TMEM229B: variants seen among roughly 807,000 people sequenced by gnomAD.
The protein encoded by TMEM229B is chromosome 14 open reading frame 83.
A neutral mutation model predicts 13.7 loss-of-function variants in TMEM229B; 6 were observed. The ratio of observed to expected loss-of-function variants is 0.44; its 90% CI spans 0.24 to 0.86. TMEM229B has a LOEUF of 0.86. TMEM229B is among the 40% of genes least tolerant of loss of function. The pLI, the probability that TMEM229B is intolerant of heterozygous loss-of-function variation, is 0.23. For synonymous variants in TMEM229B, 107 were observed against 102.1 expected (o/e 1.05, Z -0.29); for missense variants, 170 against 236.0 (o/e 0.72, Z 1.83).
At chr14:67,484,463 T>C (rs1369742903) in intron 2 of TMEM229B, among the ~76,000 whole-genome samples, 8 of 152,218 alleles carry the variant, frequency 5.3e-5, no homozygotes, top group African/African-American at 1.9e-4. Flanking sequence ...TTTCTAATTA[T>C]AAAAGCAACA....
exon 1 of TMEM229B, chr14:67,533,643 T>G: frequency 6.6e-6 from 1 of 151,994 alleles, no homozygotes; most frequent in East Asian, 1.9e-4. Context: ...TACCTGGACT[T>G]GGGGATCGGT....
At chr14:67,516,841 G>A (rs184591699), upstream of TMEM229B, among the ~76,000 whole-genome samples, 1 of 152,310 alleles carries the variant, frequency 6.6e-6, no homozygotes, top group East Asian at 1.9e-4. Context: ...AGGGAGTCAT[G>A]TTGGGTTCCT....
chr14:67,476,949 A>C (rs1340483799), intron 2 of TMEM229B, among the ~76,000 whole-genome samples: 1 of 152,120 alleles, frequency 6.6e-6, no homozygotes, highest in Non-Finnish European at 1.5e-5. Context: ...AAAATGATGA[A>C]ACCCTGTCTC....
intron 2 of TMEM229B, among the ~76,000 whole-genome samples, chr14:67,486,297 A>G (rs112311752): frequency 0.018 from 2,799 of 152,214 alleles, 96 homozygotes; most frequent in African/African-American, 0.064. Flanking sequence ...TTGTTTTGAG[A>G]CAGAGTCTTG....
At chr14:67,517,263 C>T (rs566536106), upstream of TMEM229B, among the ~76,000 whole-genome samples, 6 of 152,294 alleles carry the variant, frequency 3.9e-5, no homozygotes, top group South Asian at 4.2e-4. Flanking sequence ...TAGCTGTGGC[C>T]GGCGGCTGGC....
intron 1 of TMEM229B, among the ~76,000 whole-genome samples, chr14:67,530,899 G>A (rs144669512): frequency 3.3e-5 from 5 of 152,146 alleles, no homozygotes; most frequent in Non-Finnish European, 5.9e-5. Context: ...AAAAGAAGAC[G>A]AATGGCCTCC....
At chr14:67,526,269 C>G (rs886980641) in intron 1 of TMEM229B, among the ~76,000 whole-genome samples, 4 of 152,240 alleles carry the variant, frequency 2.6e-5, no homozygotes, top group African/African-American at 9.6e-5. Context: ...TATCCCATCA[C>G]TTTATCTGTA....
chr14:67,497,306 C>T (rs1359184727), intron 1 of TMEM229B, among the ~76,000 whole-genome samples: 1 of 152,026 alleles, frequency 6.6e-6, no homozygotes, highest in Non-Finnish European at 1.5e-5. Flanking sequence ...AGAGAGGAGA[C>T]CCAGGCACGT....
chr14:67,515,988 A>C (rs1387647505), upstream of TMEM229B, among the ~76,000 whole-genome samples: 1 of 152,266 alleles, frequency 6.6e-6, no homozygotes, highest in Non-Finnish European at 1.5e-5. Context: ...CATAAAGGTT[A>C]CAGAGAATAT....
intron 1 of TMEM229B, among the ~76,000 whole-genome samples, chr14:67,499,899 A>G (rs1026682009): frequency 6.6e-6 from 1 of 152,124 alleles, no homozygotes; most frequent in Non-Finnish European, 1.5e-5. Flanking sequence ...ATCCTCCACC[A>G]TCTGAAGACA....
upstream of TMEM229B, among the ~76,000 whole-genome samples, chr14:67,520,389 T>C (rs559611162): frequency 6.6e-4 from 100 of 152,368 alleles, no homozygotes; most frequent in African/African-American, 2.4e-3. Context: ...TCACCTGCTC[T>C]ACAGTTTTGC....
chr14:67,478,185 G>A (rs569079600), intron 2 of TMEM229B, among the ~76,000 whole-genome samples: 2 of 152,368 alleles, frequency 1.3e-5, no homozygotes, highest in South Asian at 4.1e-4. Context: ...CCGGGGCCCA[G>A]TGGACTTGCC....
chr14:67,476,749 G>T (rs867695613), intron 2 of TMEM229B, among the ~76,000 whole-genome samples: 2 of 152,142 alleles, frequency 1.3e-5, no homozygotes, highest in African/African-American at 4.8e-5. Flanking sequence ...AATATCTCTT[G>T]CTTTCTACTG....
At position 67,471,420 on chromosome 14, in the gene TMEM229B, A is replaced by T. The variant is rs2030711733; in HGVS notation, c.*2000T>A. ...CAACATGGAGTTGGAGAGAGAACCA[A>T]GGAAACAATTGCCCAGAGAGAACGG... On this transcript the variant is annotated 3_prime_UTR_variant, in exon 3 of 3. Coordinates refer to ENST00000554480, the MANE Select transcript of TMEM229B (RefSeq NM_001348543.2). 6.6e-6 allele frequency: 1 copy of T among 152,306 alleles called. No homozygotes were observed. Among genetic ancestry groups the T allele is most frequent in the Non-Finnish European group, 1.5e-5 (1 of 68,134 alleles). 9.4% of individuals were successfully genotyped at this position (152,306 alleles called of 1,614,324 possible).
intron 2 of TMEM229B, among the ~76,000 whole-genome samples, chr14:67,485,173 G>A (rs551032757): frequency 6.6e-6 from 1 of 152,314 alleles, no homozygotes; most frequent in Non-Finnish European, 1.5e-5. Flanking sequence ...CGGTACAACA[G>A]CCTTAAGGCT....
intron 1 of TMEM229B, among the ~76,000 whole-genome samples, chr14:67,503,937 C>T (rs957732453): frequency 3.9e-5 from 6 of 151,964 alleles, no homozygotes; most frequent in African/African-American, 1.2e-4. Flanking sequence ...CTCCTGACCT[C>T]GTGATCTGCC....
chr14:67,484,559 A>G (rs1340983848), intron 2 of TMEM229B, among the ~76,000 whole-genome samples: 2 of 152,232 alleles, frequency 1.3e-5, no homozygotes. Flanking sequence ...GAAAGTCACT[A>G]TTAATGGTAT....
At chr14:67,490,834 T>G (rs1412909610), upstream of TMEM229B, among the ~76,000 whole-genome samples, 1 of 152,094 alleles carries the variant, frequency 6.6e-6, no homozygotes, top group Non-Finnish European at 1.5e-5. Flanking sequence ...AAAAAAAGTT[T>G]TTTCCTTCTG....
intron 2 of TMEM229B, among the ~76,000 whole-genome samples, chr14:67,477,081 G>A (rs978923858): frequency 7.2e-5 from 11 of 151,828 alleles, no homozygotes; most frequent in East Asian, 5.8e-4. Flanking sequence ...CAGGAGAACC[G>A]CTTGAACCTG....
Sources: gnomAD v4.1 joint callset for allele counts (sites outside exome capture counted in the v4.1 genomes callset) on GRCh38, gnomAD v4.1.1 for gene constraint, MANE v1.5 for transcripts, NCBI Gene and HGNC (gene_info 2026-07-23, HGNC 2026-07-21) for gene names.